Variants in HUNK observed in about 807,000 individuals in gnomAD.
The protein encoded by HUNK is hormonally up-regulated Neu-associated kinase, also known as hormonally up-regulated neu tumor-associated kinase.
A neutral mutation model predicts 61.0 loss-of-function variants in HUNK; 21 were observed. That is an observed-to-expected ratio of 0.34 (90% CI 0.24 to 0.50). The LOEUF is 0.50. HUNK is among the 20% of genes least tolerant of loss of function. The pLI is 0.98. For missense variants in HUNK, 772 were observed against 945.7 expected (o/e 0.82, Z 2.41); for synonymous variants, 371 against 386.1 (o/e 0.96, Z 0.46).
intron 3 of HUNK, among the ~76,000 whole-genome samples, chr21:31,945,742 C>A (rs2833568): frequency 0.16 from 24,674 of 152,004 alleles, 2,111 homozygotes; most frequent in Middle Eastern, 0.3. Flanking sequence ...GACTCATTTA[C>A]AAGATTGGAT....
At chr21:31,951,503 G>A (rs940090859) in intron 4 of HUNK, among the ~76,000 whole-genome samples, 1 of 152,022 alleles carries the variant, frequency 6.6e-6, no homozygotes, top group East Asian at 1.9e-4. Flanking sequence ...AGAATGCAAC[G>A]TTGTTGGACT....
intron 3 of HUNK, 120 bp downstream of exon 3, chr21:31,940,340 CT>C: frequency 1.7e-6 from 1 of 574,482 alleles, no homozygotes; most frequent in Non-Finnish European, 2.9e-6. Context: ...AGATTATCTT[CT>C]TTTACCTCCA....
At chr21:31,956,473 AT>A (rs909559175) in intron 4 of HUNK, among the ~76,000 whole-genome samples, 5 of 152,088 alleles carry the variant, frequency 3.3e-5, no homozygotes, top group African/African-American at 4.8e-5. Context: ...ATCTCCAAGA[AT>A]TTTTCGAAGC....
At chr21:31,886,550 T>G (rs2052347453) in intron 1 of HUNK, among the ~76,000 whole-genome samples, 2 of 152,136 alleles carry the variant, frequency 1.3e-5, no homozygotes, top group Admixed American at 1.3e-4. Context: ...TGGAATATAT[T>G]TAGAGTTGAT....
chr21:31,992,552 G>A (rs1164605360), intron 9 of HUNK, among the ~76,000 whole-genome samples: 2 of 152,200 alleles, frequency 1.3e-5, no homozygotes, highest in Admixed American at 6.5e-5. Context: ...GGCGGGCTTC[G>A]AACCGAGAGC....
chr21:31,954,250 G>A (rs2833576), intron 4 of HUNK, among the ~76,000 whole-genome samples: 2,916 of 152,294 alleles, frequency 0.019, 171 homozygotes, highest in Admixed American at 0.12. Flanking sequence ...AGGAAGCTAG[G>A]TGTGCCGTAA....
At chr21:31,876,683 G>T (rs535631557) in intron 1 of HUNK, among the ~76,000 whole-genome samples, 1 of 152,194 alleles carries the variant, frequency 6.6e-6, no homozygotes, top group Non-Finnish European at 1.5e-5. Flanking sequence ...GGAAAAGGAG[G>T]TCATTAAGCC....
At chr21:31,954,251 T>C (rs1488203132) in intron 4 of HUNK, among the ~76,000 whole-genome samples, 1 of 152,154 alleles carries the variant, frequency 6.6e-6, no homozygotes, top group Non-Finnish European at 1.5e-5. Context: ...GGAAGCTAGG[T>C]GTGCCGTAAA....
At chr21:31,992,700 T>G (rs1410016146) in intron 9 of HUNK, among the ~76,000 whole-genome samples, 1 of 152,224 alleles carries the variant, frequency 6.6e-6, no homozygotes, top group African/African-American at 2.4e-5. Context: ...CCTCTGAAGA[T>G]CTGTTTCTGT....
intron 1 of HUNK, among the ~76,000 whole-genome samples, chr21:31,910,169 G>A (rs1199647892): frequency 1.3e-5 from 2 of 152,194 alleles, no homozygotes; most frequent in African/African-American, 2.4e-5. Flanking sequence ...AAATAACACA[G>A]ACCTGGGGGG....
rs566392484 is a variant in HUNK, at chr21:31,946,349, A to G, written c.746+178A>G. 1.3e-3 allele frequency among the ~76,000 whole-genome samples: 201 copies of G among 152,182 alleles called. 2 individuals carry two copies. Among genetic ancestry groups the G allele is most frequent in the African/African-American group, 4.8e-3 (198 of 41,538 alleles). The stretch of plus-strand genomic sequence containing the variant: ...TGTTCCTTCTGTTTTTTTCTGCACA[A>G]ACTGTCAGAGTGGCCTTTACCAAAA... On this transcript the variant is annotated intron_variant, in intron 4 of 10. Transcript: ENST00000270112.
At chr21:31,919,455 G>C (rs2052608842) in intron 1 of HUNK, among the ~76,000 whole-genome samples, 1 of 152,176 alleles carries the variant, frequency 6.6e-6, no homozygotes, top group Non-Finnish European at 1.5e-5. Flanking sequence ...CCTTAAGCCT[G>C]GCATGTGGGA....
chr21:31,961,951 C>T lies in HUNK; in HGVS notation c.874+2981C>T, dbSNP rs562050989. Among the ~76,000 whole-genome samples the T allele has an allele frequency of 3.9e-5, 6 of 152,286 alleles. No homozygotes were observed. In the South Asian group the frequency reaches 1.2e-3, roughly 32 times the overall value. On this transcript the variant is annotated intron_variant, in intron 5 of 10. Transcript: ENST00000270112. ...CCCAAGTCTTAGTGGCTCAGGACCACAAAGGTTTATTTCTCAGTCATGCTA... is the reference window on the plus strand; with the variant it reads ...CCCAAGTCTTAGTGGCTCAGGACCATAAAGGTTTATTTCTCAGTCATGCTA...
chr21:31,998,606 G>C lies in HUNK; in HGVS notation c.1567G>C (p.Val523Leu). ...TTCTTCTTCCATGGAGTTCATCCCC[G>C]TGCCACCGCCCAGGACCCCGAGGAT... is the stretch of plus-strand genomic sequence containing the variant. Reference protein sequence around the residue: ...VASSSMEFIPVPPPRTPRIVK... With the variant: ...VASSSMEFIPLPPPRTPRIVK... The change falls in exon 11 of 11, where the codon GTG (valine) becomes CTG (leucine). Residue 523 changes from valine to leucine, a missense_variant. Physicochemically the swap from Val to Leu is conservative, Grantham distance 32. Around this residue, in one of 2 missense-constraint regions of HUNK, gnomAD observed 413 missense variants for 444.4 expected, o/e 0.93. Coordinates refer to ENST00000270112, the MANE Select transcript of HUNK (RefSeq NM_014586.2). The C allele has an allele frequency of 6.2e-7, 1 of 1,613,902 alleles. No homozygotes were observed. The highest frequency in any genetic ancestry group is 1.3e-5 in the African/African-American group (1 of 74,994).
intron 1 of HUNK, among the ~76,000 whole-genome samples, chr21:31,888,507 C>T (rs1025051835): frequency 1.6e-4 from 24 of 152,218 alleles, no homozygotes; most frequent in African/African-American, 4.8e-4. Context: ...GAGGCCGAGG[C>T]GGGCAGATCA....
intron 8 of HUNK, among the ~76,000 whole-genome samples, 169 bp downstream of exon 8, chr21:31,983,778 G>A (rs1204712207): frequency 3.9e-5 from 6 of 152,252 alleles, no homozygotes; most frequent in South Asian, 2.1e-4. Flanking sequence ...CCAGCTTTGC[G>A]GTGTCTAAAC....
chr21:31,912,101 G>T (rs1382833983), intron 1 of HUNK, among the ~76,000 whole-genome samples: 1 of 152,154 alleles, frequency 6.6e-6, no homozygotes. Flanking sequence ...TGGGATTGGG[G>T]TTGGCCGTGG....
At chr21:31,961,632 T>A (rs1293081024) in intron 5 of HUNK, among the ~76,000 whole-genome samples, 1 of 152,232 alleles carries the variant, frequency 6.6e-6, no homozygotes, top group Admixed American at 6.5e-5. Flanking sequence ...TAAGATGTGA[T>A]GTTTCCAAAT....
chr21:31,874,056 C>G (rs2052238373), intron 1 of HUNK, 121 bp downstream of exon 1: 1 of 719,010 alleles, frequency 1.4e-6, no homozygotes, highest in Non-Finnish European at 1.9e-6. Flanking sequence ...CCTTCCCCCT[C>G]CGCCCGGCTT....
Sources: allele counts gnomAD v4.1 joint callset (sites outside exome capture counted in the v4.1 genomes callset), GRCh38; gene constraint gnomAD v4.1.1; regional missense constraint gnomAD v4.1.1; transcripts MANE v1.5; gene names NCBI Gene and HGNC (gene_info 2026-07-23, HGNC 2026-07-21).